CHRM3: variants seen among roughly 807,000 people sequenced by gnomAD.
The protein encoded by CHRM3 is cholinergic receptor muscarinic 3.
In CHRM3, 11 loss-of-function variants were observed where a neutral mutation model predicts 41.8. The ratio of observed to expected loss-of-function variants is 0.26; its 90% CI spans 0.17 to 0.44. CHRM3 has a LOEUF of 0.44. Among genes scored for constraint, CHRM3 ranks in the 20% least tolerant of loss-of-function variants. The pLI is 1.00. For synonymous variants in CHRM3, 297 were observed against 301.4 expected, an observed-to-expected ratio of 0.99 and a Z score of 0.15; for missense variants, 571 against 745.4, an observed-to-expected ratio of 0.77 and a Z score of 2.72.
intron 3 of CHRM3, among the ~76,000 whole-genome samples, chr1:239,590,468 A>G (rs1664002840): frequency 6.6e-6 from 1 of 152,216 alleles, no homozygotes; most frequent in Non-Finnish European, 1.5e-5. Flanking sequence ...AAATATAGCC[A>G]GTTCTCCTGA....
intron 3 of CHRM3, among the ~76,000 whole-genome samples, chr1:239,603,985 T>C (rs1243136745): frequency 6.6e-6 from 1 of 152,152 alleles, no homozygotes; most frequent in Non-Finnish European, 1.5e-5. Flanking sequence ...TGAAGTTAGA[T>C]AAGAAACATG....
chr1:239,906,414 A>C (rs1447272964), intron 6 of CHRM3, among the ~76,000 whole-genome samples: 1 of 152,078 alleles, frequency 6.6e-6, no homozygotes, highest in African/African-American at 2.4e-5. Flanking sequence ...TTGAGGAATG[A>C]TTTGCTTATC....
At chr1:239,600,720 C>T (rs568839390) in intron 3 of CHRM3, among the ~76,000 whole-genome samples, 7 of 151,142 alleles carry the variant, frequency 4.6e-5, no homozygotes, top group Non-Finnish European at 8.9e-5. Context: ...CTTCCTCCTT[C>T]CTTCTTCCCT....
chr1:239,896,711 A>G (rs1315784267), intron 6 of CHRM3, among the ~76,000 whole-genome samples: 1 of 152,020 alleles, frequency 6.6e-6, no homozygotes, highest in Non-Finnish European at 1.5e-5. Flanking sequence ...CTTTGTGGGG[A>G]GCTGTCCTGT....
intron 1 of CHRM3, among the ~76,000 whole-genome samples, chr1:239,487,421 G>C (rs1667247730): frequency 6.6e-6 from 1 of 151,970 alleles, no homozygotes; most frequent in Non-Finnish European, 1.5e-5. Flanking sequence ...TAGTTTTAAG[G>C]TACACAGGAA....
intron 5 of CHRM3, among the ~76,000 whole-genome samples, chr1:239,733,699 A>T (rs544478559): frequency 6.6e-6 from 1 of 152,074 alleles, no homozygotes; most frequent in Non-Finnish European, 1.5e-5. Flanking sequence ...TAAATAGGGA[A>T]TTTAATTTTG....
chr1:239,498,200 C>T (rs1668006780), intron 2 of CHRM3, among the ~76,000 whole-genome samples: 1 of 152,062 alleles, frequency 6.6e-6, no homozygotes, highest in Admixed American at 6.6e-5. Flanking sequence ...TATATAAGTA[C>T]ATATCAAGGC....
intron 3 of CHRM3, among the ~76,000 whole-genome samples, chr1:239,578,557 T>C (rs1459809998): frequency 6.6e-6 from 1 of 152,212 alleles, no homozygotes; most frequent in Non-Finnish European, 1.5e-5. Context: ...AATCAAATGA[T>C]AGTCTTTGGC....
chr1:239,815,849 T>C (rs1337448332), intron 5 of CHRM3, among the ~76,000 whole-genome samples: 3 of 152,218 alleles, frequency 2.0e-5, no homozygotes, highest in Non-Finnish European at 4.4e-5. Flanking sequence ...ATCTTTAAAC[T>C]GCACTCTTAA....
At chr1:239,409,267 C>T (rs1342758657) in intron 1 of CHRM3, among the ~76,000 whole-genome samples, 4 of 152,164 alleles carry the variant, frequency 2.6e-5, no homozygotes, top group Non-Finnish European at 5.9e-5. Context: ...TAGCTTTAAA[C>T]ATATTATGAT....
chr1:239,692,845 A>G (rs2148003564), intron 5 of CHRM3, among the ~76,000 whole-genome samples: 1 of 152,314 alleles, frequency 6.6e-6, no homozygotes, highest in South Asian at 2.1e-4. Context: ...TGAGACTTAA[A>G]GAAAATTGTA....
At chr1:239,825,761 A>G (rs1375828919) in intron 5 of CHRM3, among the ~76,000 whole-genome samples, 1 of 151,952 alleles carries the variant, frequency 6.6e-6, no homozygotes, top group Non-Finnish European at 1.5e-5. Flanking sequence ...TTTTCCCAGG[A>G]TGGAGTGCAG....
chr1:239,841,068 C>T (rs1673758101), intron 6 of CHRM3, among the ~76,000 whole-genome samples: 1 of 152,188 alleles, frequency 6.6e-6, no homozygotes, highest in Non-Finnish European at 1.5e-5. Context: ...CACCCTGACT[C>T]TCTGCTGTAA....
At chr1:239,579,928 A>G (rs1662711455) in intron 3 of CHRM3, among the ~76,000 whole-genome samples, 1 of 151,962 alleles carries the variant, frequency 6.6e-6, no homozygotes, top group African/African-American at 2.4e-5. Flanking sequence ...AACTTAAGTG[A>G]TTTTCCCAGG....
rs1450839962 is a variant in CHRM3, at chr1:239,914,173, A to G, written c.*4949A>G. 1.2e-5 allele frequency: 2 copies of G among 167,082 alleles called. No individual in the cohort carries two copies. Among genetic ancestry groups the G allele is most frequent in the Non-Finnish European group, 2.9e-5 (2 of 68,116 alleles). The allele number at this position is 167,082 out of a possible 1,614,324, so 10.3% of individuals were successfully genotyped here. A position where few individuals can be genotyped will look rare whatever the true frequency, so the allele number is the denominator to read the frequency against. On this transcript the variant is annotated 3_prime_UTR_variant, in exon 7 of 7. Transcript: ENST00000676153. ...TTACTATTGTTCTTTCTTGGAGTCC[A>G]AAATGCTTAGCAGTTCTGCAGTTCA...
intron 2 of CHRM3, among the ~76,000 whole-genome samples, chr1:239,530,066 T>G (rs1469883304): frequency 1.3e-5 from 2 of 151,874 alleles, no homozygotes; most frequent in African/African-American, 4.8e-5. Flanking sequence ...CCCAGCTAAT[T>G]TTTTCTTTTT....
intron 5 of CHRM3, among the ~76,000 whole-genome samples, chr1:239,792,351 C>T (rs1453752422): frequency 6.6e-6 from 1 of 152,168 alleles, no homozygotes; most frequent in Non-Finnish European, 1.5e-5. Flanking sequence ...AGACTGACAG[C>T]TTGCAGTCTG....
rs992337957 is a variant in CHRM3 at position 239,639,201 on chromosome 1, G to A, written c.-250+6915G>A. ...ATAGTTTGAAGTCAGGTAGTATGAT[G>A]CCTCCAGCTTTGTTCTTTTGGCTTA... is the stretch of plus-strand genomic sequence containing the variant. On this transcript the variant is annotated intron_variant, in intron 4 of 6. Coordinates refer to ENST00000676153, the MANE Select transcript of CHRM3 (RefSeq NM_001375978.1). Among the ~76,000 whole-genome samples, 21 of 152,224 alleles carry A rather than the reference G, an allele frequency of 1.4e-4. 1 individual carries two copies. Among genetic ancestry groups the A allele is most frequent in the African/African-American group, 5.1e-4 (21 of 41,516 alleles).
intron 5 of CHRM3, chr1:239,707,226 T>C (rs1661281614): frequency 6.6e-6 from 1 of 152,234 alleles, no homozygotes; most frequent in Non-Finnish European, 1.5e-5. Flanking sequence ...TTCATTATCC[T>C]GAATTTTAAT....
Sources: allele counts gnomAD v4.1 joint callset (sites outside exome capture counted in the v4.1 genomes callset), GRCh38; gene constraint gnomAD v4.1.1; transcripts MANE v1.5; gene names NCBI Gene and HGNC (gene_info 2026-07-23, HGNC 2026-07-21).